The following KIAA0930 variants were observed in gnomAD, a reference collection of about 807,000 sequenced individuals.
KIAA0930 encodes uncharacterized protein KIAA0930.
In KIAA0930, 24 loss-of-function variants were observed where a neutral mutation model predicts 43.9. The observed-to-expected ratio is 0.55, with a 90% confidence interval of 0.40 to 0.77. The LOEUF (loss-of-function observed/expected upper bound fraction) is 0.77, where lower values mean the gene tolerates loss of function less well. Ranked by LOEUF, KIAA0930 falls within the 30% of genes least tolerant of loss-of-function variation. The pLI is 0.00. For synonymous variants in KIAA0930, 259 were observed against 216.4 expected, an observed-to-expected ratio of 1.20 and a Z score of -1.73; for missense variants, 461 against 574.2, an observed-to-expected ratio of 0.80 and a Z score of 2.02.
rs1414589092 is a variant in KIAA0930, at chr22:45,195,376, G to C, written c.*1800C>G. On this transcript the variant is annotated 3_prime_UTR_variant, in exon 10 of 10. Coordinates refer to ENST00000336156, the MANE Select transcript of KIAA0930 (RefSeq NM_001009880.2). ...AAGATCCCCAGAACAACCAGGGGAA[G>C]AGTTCCTGAAGAAATGGGTGTATTT... 1 of 152,358 alleles carries C rather than the reference G, an allele frequency of 6.6e-6. No homozygotes were observed. Among genetic ancestry groups the C allele is most frequent in the Non-Finnish European group, 1.5e-5 (1 of 68,120 alleles). The allele number at this position is 152,358 out of a possible 1,614,324, so 9.4% of individuals were successfully genotyped here. A position where few individuals can be genotyped will look rare whatever the true frequency, so the allele number is the denominator to read the frequency against.
At chr22:45,205,770 G>GGGGGCC in intron 3 of KIAA0930, 23 bp downstream of exon 3, 134 of 1,523,162 alleles carry the variant, frequency 8.8e-5, no homozygotes, top group Middle Eastern at 1.7e-4. Flanking sequence ...CCAATCCGCA[G>GGGGGCC]CCCCACCCAT....
chr22:45,234,704 T>C (rs571725149), intron 1 of KIAA0930, among the ~76,000 whole-genome samples: 20 of 152,380 alleles, frequency 1.3e-4, no homozygotes, highest in Non-Finnish European at 2.5e-4. Context: ...CAGTGAAAAC[T>C]GGATCCCAGC....
At chr22:45,204,022 C>T (rs1342568826) in intron 5 of KIAA0930, 37 bp from the exon 6 acceptor site, 1 of 1,612,310 alleles carries the variant, frequency 6.2e-7, no homozygotes, top group Admixed American at 1.7e-5. Flanking sequence ...ACGTGACCAT[C>T]AGCTCCCACC....
At chr22:45,224,488 A>G (rs1480261543) in intron 1 of KIAA0930, among the ~76,000 whole-genome samples, 1 of 152,200 alleles carries the variant, frequency 6.6e-6, no homozygotes, top group Non-Finnish European at 1.5e-5. Flanking sequence ...AAACGAGGAC[A>G]TGGCAGGAGG....
intron 8 of KIAA0930, 34 bp downstream of exon 8, chr22:45,199,839 C>A (rs759091687): frequency 6.6e-7 from 1 of 1,507,004 alleles, no homozygotes; most frequent in East Asian, 2.5e-5. Context: ...GACTGAAGGG[C>A]ACGGGGACCC....
chr22:45,216,274 C>A (rs2083732042), intron 1 of KIAA0930, among the ~76,000 whole-genome samples: 1 of 152,186 alleles, frequency 6.6e-6, no homozygotes, highest in African/African-American at 2.4e-5. Flanking sequence ...CAGCCAACCT[C>A]TCTGACCCTC....
intron 1 of KIAA0930, among the ~76,000 whole-genome samples, chr22:45,232,680 C>T (rs2083861324): frequency 6.6e-6 from 1 of 152,132 alleles, no homozygotes; most frequent in African/African-American, 2.4e-5. Flanking sequence ...AGCAAACTGC[C>T]CCCCTACCTT....
intron 4 of KIAA0930, 132 bp downstream of exon 4, chr22:45,205,498 A>G (rs903549700): frequency 1.1e-6 from 1 of 934,004 alleles, no homozygotes; most frequent in Non-Finnish European, 1.7e-6. Flanking sequence ...GGATCCCAGG[A>G]GCTGAGCAGA....
chr22:45,196,986 G>C lies in KIAA0930; in HGVS notation c.*190C>G. On this transcript the variant is annotated 3_prime_UTR_variant, in exon 10 of 10. Coordinates refer to ENST00000336156, the MANE Select transcript of KIAA0930 (RefSeq NM_001009880.2). The surrounding 1 kb of genome is among the most constrained non-coding windows in gnomAD (Gnocchi z 4.1). ...GGGCGGAGCAGCGCCAGCAGGGGAG[G>C]GAAGAGGCACTTCAGTTTGGGCTGG... 1.8e-6 allele frequency: 1 copy of C among 551,634 alleles called. No homozygotes were observed. Among genetic ancestry groups the C allele is most frequent in the Non-Finnish European group, 3.2e-6 (1 of 312,654 alleles). The allele number at this position is 551,634 out of a possible 1,614,324, so 34.2% of individuals were successfully genotyped here.
intron 1 of KIAA0930, among the ~76,000 whole-genome samples, chr22:45,230,771 G>A (rs1034992829): frequency 6.6e-6 from 1 of 151,742 alleles, no homozygotes; most frequent in Non-Finnish European, 1.5e-5. Flanking sequence ...TAGTAGAGAC[G>A]GGGTTTCACA....
chr22:45,225,117 T>C (rs1012677138), intron 1 of KIAA0930, among the ~76,000 whole-genome samples: 2 of 152,096 alleles, frequency 1.3e-5, no homozygotes, highest in South Asian at 4.1e-4. Flanking sequence ...CAGGCGGCCC[T>C]TGGCCCTCTG....
At chr22:45,231,579 A>AC (rs375040647) in intron 1 of KIAA0930, among the ~76,000 whole-genome samples, 134 of 152,214 alleles carry the variant, frequency 8.8e-4, no homozygotes, top group Non-Finnish European at 1.2e-3. Flanking sequence ...AGTCAGATCA[A>AC]CCCTAATTCA....
chr22:45,232,174 CCTGCCTT>C (rs899346019), intron 1 of KIAA0930, among the ~76,000 whole-genome samples: 11 of 152,214 alleles, frequency 7.2e-5, no homozygotes, highest in Admixed American at 3.3e-4. Flanking sequence ...CAACACCCCT[CCTGCCTT>C]CTGCTCAGCA....
At chr22:45,211,279 G>A (rs1356837283) in intron 2 of KIAA0930, 1 of 397,680 alleles carries the variant, frequency 2.5e-6, no homozygotes, top group Non-Finnish European at 4.4e-6. Flanking sequence ...TCTGGCATAT[G>A]GAGTTGATTA....
intron 1 of KIAA0930, among the ~76,000 whole-genome samples, chr22:45,216,021 C>A (rs902543421): frequency 2.7e-5 from 3 of 110,530 alleles, no homozygotes; most frequent in Non-Finnish European, 5.3e-5. Context: ...GAGCGAGACT[C>A]CGTCTCAAAA....
chr22:45,205,769 A>G, intron 3 of KIAA0930, 24 bp downstream of exon 3: 2 of 1,546,014 alleles, frequency 1.3e-6, no homozygotes, highest in Non-Finnish European at 1.8e-6. Context: ...GCCAATCCGC[A>G]GCCCCACCCA....
At chr22:45,205,058 A>G (rs544696862) in intron 5 of KIAA0930, among the ~76,000 whole-genome samples, 159 bp downstream of exon 5, 57 of 152,274 alleles carry the variant, frequency 3.7e-4, no homozygotes, top group African/African-American at 1.3e-3. Context: ...CCCACAAGCA[A>G]ACACTGGGAA....
At position 45,218,861 on chromosome 22, in the gene KIAA0930, A is replaced by T. The variant is rs193289633; in HGVS notation, c.65-6754T>A. 2.5e-3 allele frequency among the ~76,000 whole-genome samples: 386 copies of T among 152,262 alleles called. 1 individual carries two copies. The highest frequency in any genetic ancestry group is 8.5e-3 in the African/African-American group (353 of 41,564). On this transcript the variant is annotated intron_variant, in intron 1 of 9. Coordinates refer to ENST00000336156, the MANE Select transcript of KIAA0930 (RefSeq NM_001009880.2). Reference sequence around the variant, plus strand: ...TGAGTCCCCAGCGGGGTGGGCTCACAGGGGCCACTCTGAGCCCTGAAGCAC... The same window carrying T: ...TGAGTCCCCAGCGGGGTGGGCTCACTGGGGCCACTCTGAGCCCTGAAGCAC...
chr22:45,205,916 C>G lies in KIAA0930; in HGVS notation c.217-4G>C. On this transcript the variant is annotated splice_polypyrimidine_tract_variant and splice_region_variant and intron_variant, in intron 2 of 9. Coordinates refer to ENST00000336156, the MANE Select transcript of KIAA0930 (RefSeq NM_001009880.2). ...CCTCCACCTCAGGCTCAGCTGCCTG[C>G]GAGGCCCAGAGCAGAAGTGAGTGCC... 6.2e-7 allele frequency: 1 copy of G among 1,612,422 alleles called. No individual in the cohort carries two copies. Among genetic ancestry groups the G allele is most frequent in the Non-Finnish European group, 8.5e-7 (1 of 1,179,886 alleles).
Sources: allele counts gnomAD v4.1 joint callset (sites outside exome capture counted in the v4.1 genomes callset), GRCh38; gene constraint gnomAD v4.1.1; non-coding constraint Gnocchi (gnomAD v3.1); transcripts MANE v1.5; gene names NCBI Gene and HGNC (gene_info 2026-07-23, HGNC 2026-07-21).